YDJC: variants seen among roughly 807,000 people sequenced by gnomAD.
The protein encoded by YDJC is carbohydrate deacetylase.
Under a neutral mutation model 18.9 loss-of-function variants are expected in YDJC, and 23 were observed. The observed-to-expected ratio is 1.22, with a 90% CI of 0.87 to 1.72. The LOEUF is 1.72. Among genes scored for constraint, YDJC ranks in the 40% most tolerant of loss-of-function variants. The pLI is 0.00. For missense variants in YDJC, 467 were observed against 470.8 expected (o/e 0.99, Z 0.07); for synonymous variants, 224 against 217.6 (o/e 1.03, Z -0.26).
chr22:21,628,738 C>T lies in YDJC; in HGVS notation c.652G>A (p.Ala218Thr). ...GLSTCGRHMS[A>T]HRVSGALARV... ...GCCAGGGCCCCGGACACGCGGTGAG[C>T]GGACATGTGCCGGCCGCAAGTGCTC... The change falls in exon 5 of 5, where the codon GCT becomes ACT. Residue 218 changes from alanine to threonine, a missense_variant. Physicochemically the swap from Ala to Thr is moderately conservative, Grantham distance 58. Transcript: ENST00000292778. 3 of 1,515,106 alleles carry T rather than the reference C, an allele frequency of 2.0e-6. No homozygotes were observed. Among genetic ancestry groups the T allele is most frequent in the Non-Finnish European group, 1.8e-6 (2 of 1,130,050 alleles). The allele number at this position is 1,515,106 out of a possible 1,614,324, so 93.9% of individuals were successfully genotyped here. A position where few individuals can be genotyped will look rare whatever the true frequency, so the allele number is the denominator to read the frequency against.
rs142465613 is a variant in YDJC at position 21,629,957 on chromosome 22, G to C, written c.58C>G (p.Arg20Gly). 3.7e-4 allele frequency: 587 copies of C among 1,604,754 alleles called. No individual in the cohort carries two copies. The highest frequency in any genetic ancestry group is 9.0e-4 in the Middle Eastern group (4 of 4,420). Reference sequence around the variant, plus strand: ...GCCTCCACGATACCCTCATCGCGTCGCGGGCAGTAACCAAAGTCGTCCGCG... The same window carrying C: ...GCCTCCACGATACCCTCATCGCGTCCCGGGCAGTAACCAAAGTCGTCCGCG... ...VTADDFGYCP[R>G]RDEGIVEAFL... The change falls in exon 1 of 5, where the codon CGA becomes GGA. Residue 20 changes from arginine to glycine, a missense_variant. Coordinates refer to ENST00000292778, the MANE Select transcript of YDJC (RefSeq NM_001017964.2).
rs529402438 is a variant in YDJC at position 21,628,202 on chromosome 22, C to T, written c.*216G>A. On this transcript the variant is annotated 3_prime_UTR_variant, in exon 5 of 5. Coordinates refer to ENST00000292778, the MANE Select transcript of YDJC (RefSeq NM_001017964.2). ...ACCAAATGCTCTGCGGGCCCTAGCC[C>T]GCTGCCACAGGCTAGGCCTGCCTGC... 179 of 552,934 alleles carry T rather than the reference C, an allele frequency of 3.2e-4. 1 individual carries two copies. Among genetic ancestry groups the T allele is most frequent in the African/African-American group, 2.7e-3 (139 of 51,878 alleles). The allele number at this position is 552,934 out of a possible 1,614,324, so 34.3% of individuals were successfully genotyped here.
Position 21,628,488 on chromosome 22 carries a change from G to T in YDJC, c.902C>A (p.Ser301Tyr), listed in dbSNP as rs772880301. The change falls in exon 5 of 5, where the codon TCC (serine) becomes TAC (tyrosine). Residue 301 changes from serine (S) to tyrosine (Y), a missense_variant. Physicochemically the swap from Ser to Tyr is moderately radical, Grantham distance 144. Coordinates refer to ENST00000292778, the MANE Select transcript of YDJC (RefSeq NM_001017964.2). ...GGGGACCTCCTCCCCTGGCCTCTTG[G>T]AGTCCAGGTCGTCGAGGGCGCAAAG... ...VQLCALDDLDSKRPGEEVPCE... is the reference protein window; with the variant it reads ...VQLCALDDLDYKRPGEEVPCE... 6.2e-7 allele frequency: 1 copy of T among 1,609,442 alleles called. No individual in the cohort carries two copies.
Position 21,628,202 on chromosome 22 carries a change from C to CGCTGCCACAGGCTAGGCCTGCCT in YDJC, c.*193_*215dup, listed in dbSNP as rs1930316222. The CGCTGCCACAGGCTAGGCCTGCCT allele has an allele frequency of 5.4e-6, 3 of 552,816 alleles. No individual in the cohort carries two copies. The African/African-American group carries it at 5.8e-5, about 11-fold the overall frequency. 34.2% of individuals were successfully genotyped at this position (552,816 alleles called of 1,614,324 possible). A position where few individuals can be genotyped will look rare whatever the true frequency, so the allele number is the denominator to read the frequency against. ...ACCAAATGCTCTGCGGGCCCTAGCC[C>CGCTGCCACAGGCTAGGCCTGCCT]GCTGCCACAGGCTAGGCCTGCCTGC... On this transcript the variant is annotated 3_prime_UTR_variant, in exon 5 of 5. Coordinates refer to ENST00000292778, the MANE Select transcript of YDJC (RefSeq NM_001017964.2).
At chr22:21,628,940 C>G (rs1289283615) in intron 4 of YDJC, 70 bp downstream of exon 4, 1 of 1,433,642 alleles carries the variant, frequency 7.0e-7, no homozygotes, top group Non-Finnish European at 9.1e-7. Flanking sequence ...ACGGACACAG[C>G]TAGCCAGGTG....
chr22:21,629,548 G>A (rs767499234), intron 2 of YDJC, 54 bp downstream of exon 2: 1 of 1,610,644 alleles, frequency 6.2e-7, no homozygotes, highest in Non-Finnish European at 8.5e-7. Context: ...AGTACCCTCC[G>A]GGCGGAGCTC....
intron 4 of YDJC, 96 bp from the exon 5 acceptor site, chr22:21,628,883 T>TTG: frequency 2.0e-6 from 1 of 506,610 alleles, no homozygotes; most frequent in Admixed American, 4.1e-5. Context: ...AGGGGGTAAC[T>TTG]GGGGTGGCGG....
chr22:21,628,933 G>A (rs1427468521), intron 4 of YDJC, 77 bp downstream of exon 4: 1 of 1,430,368 alleles, frequency 7.0e-7, no homozygotes, highest in Non-Finnish European at 9.1e-7. Flanking sequence ...TTGAGAAACG[G>A]ACACAGCTAG....
rs1930421570 is a variant in YDJC at position 21,629,763 on chromosome 22, T to C, written c.165-2A>G. 6.7e-7 allele frequency: 1 copy of C among 1,488,792 alleles called. No homozygotes were observed. Among genetic ancestry groups the C allele is most frequent in the African/African-American group, 1.4e-5 (1 of 70,192 alleles). 92.2% of individuals were successfully genotyped at this position (1,488,792 alleles called of 1,614,324 possible). ...TGGAGGCCCGTGGGGATGCTGTGCC[T>C]GAGGGCGGAGCGCGAGCTGGAGCAC... On this transcript the variant is annotated splice_acceptor_variant, in intron 1 of 4. Coordinates refer to ENST00000292778, the MANE Select transcript of YDJC (RefSeq NM_001017964.2). LOFTEE classifies it high-confidence loss of function.
rs1930316339 is a variant in YDJC at position 21,628,212 on chromosome 22, GGCTAGGCCT to G, written c.*197_*205del. The G allele has an allele frequency of 1.5e-6, 1 of 657,176 alleles. No individual in the cohort carries two copies. Among genetic ancestry groups the G allele is most frequent in the South Asian group, 4.3e-5 (1 of 23,188 alleles). 40.7% of individuals were successfully genotyped at this position (657,176 alleles called of 1,614,324 possible). ...CTGCGGGCCCTAGCCCGCTGCCACA[GGCTAGGCCT>G]GCCTGCAGCCAAGAAGGCTGCTCAA... On this transcript the variant is annotated 3_prime_UTR_variant, in exon 5 of 5. Coordinates refer to ENST00000292778, the MANE Select transcript of YDJC (RefSeq NM_001017964.2).
Position 21,628,601 on chromosome 22 carries a change from A to T in YDJC, c.789T>A (p.Ala263=), listed in dbSNP as rs770442820. 3 of 1,604,354 alleles carry T rather than the reference A, an allele frequency of 1.9e-6. No individual in the cohort carries two copies. In the South Asian group the frequency reaches 3.3e-5, roughly 18 times the overall value. ...GCAGCCGCTCCCAAGAGCAAGAGAA[A>T]GCGTCGGGGCCTTCACCGCAGCCGC... ...PTGGCGEGPD[A]FSCSWERLHE... The change falls in exon 5 of 5, where the codon GCT becomes GCA. Residue 263 remains alanine (A), a synonymous_variant. Coordinates refer to ENST00000292778, the MANE Select transcript of YDJC (RefSeq NM_001017964.2).
At chr22:21,628,813 G>T in intron 4 of YDJC, 26 bp from the exon 5 acceptor site, 2 of 1,457,142 alleles carry the variant, frequency 1.4e-6, no homozygotes, top group Non-Finnish European at 1.8e-6. Context: ...CATCAGAGGT[G>T]GGACCAGGCC....
At position 21,628,790 on chromosome 22, in the gene YDJC, G is replaced by C. The variant is rs760859698; in HGVS notation, c.603-3C>G. The C allele has an allele frequency of 1.8e-5, 27 of 1,473,356 alleles. No homozygotes were observed. In the East Asian group the frequency reaches 6.8e-4, roughly 37 times the overall value. The allele number at this position is 1,473,356 out of a possible 1,614,324, so 91.3% of individuals were successfully genotyped here. The stretch of plus-strand genomic sequence containing the variant: ...GGCCCACGAAGGCGTCTGTCCACCT[G>C]TGGGGGGCGGGACATCAGAGGTGGG... On this transcript the variant is annotated splice_region_variant and splice_polypyrimidine_tract_variant and intron_variant, in intron 4 of 4. Transcript: ENST00000292778.
chr22:21,629,480 T>G lies in YDJC; in HGVS notation c.325-73A>C, dbSNP rs1329124243. On this transcript the variant is annotated intron_variant, in intron 2 of 4. Transcript: ENST00000292778. Reference sequence around the variant, plus strand: ...AGGATACCCTCCTCGTGCTTCCGTGTGATGGCTCCAGTGTTTGAATGCGGA... The same window carrying G: ...AGGATACCCTCCTCGTGCTTCCGTGGGATGGCTCCAGTGTTTGAATGCGGA... The G allele has an allele frequency of 2.6e-6, 4 of 1,548,358 alleles. No individual in the cohort carries two copies. In the African/African-American group the frequency reaches 5.4e-5, roughly 21 times the overall value.
chr22:21,628,461 C>T lies in YDJC; in HGVS notation c.929G>A (p.Cys310Tyr). ...CAGGAAGGGTTCCAGAGTGGGCTCACAGGGGACCTCCTCCCCTGGCCTCTT... is the reference window on the plus strand; with the variant it reads ...CAGGAAGGGTTCCAGAGTGGGCTCATAGGGGACCTCCTCCCCTGGCCTCTT... ...DSKRPGEEVP[C>Y]EPTLEPFLEP... Residue 310 changes from cysteine (C) to tyrosine (Y), a missense_variant, in exon 5 of 5, where the codon TGT becomes TAT. Cys to Tyr is a radical substitution (Grantham distance 194). Transcript: ENST00000292778. 2 of 1,590,454 alleles carry T rather than the reference C, an allele frequency of 1.3e-6. No homozygotes were observed. Among genetic ancestry groups the T allele is most frequent in the South Asian group, 2.3e-5 (2 of 88,122 alleles).
At position 21,629,389 on chromosome 22, in the gene YDJC, C is replaced by T. The variant is rs1237571322; in HGVS notation, c.343G>A (p.Ala115Thr). 1 of 1,548,576 alleles carries T rather than the reference C, an allele frequency of 6.5e-7. No homozygotes were observed. Reference protein sequence around the residue: ...DLPQVREELEAQLSCFRELLG... With the variant: ...DLPQVREELETQLSCFRELLG... ...AGCTCCCGGAAGCAGCTTAGTTGGG[C>T]CTCGAGCTCCTCCCGCACCTAGAGG... The change falls in exon 3 of 5, where the codon GCC becomes ACC. Residue 115 changes from alanine to threonine, a missense_variant. Transcript: ENST00000292778.
chr22:21,628,914 G>A (rs530469216), intron 4 of YDJC, 96 bp downstream of exon 4: 16 of 1,425,310 alleles, frequency 1.1e-5, no homozygotes, highest in Admixed American at 8.6e-5. Flanking sequence ...CGCCAGACTC[G>A]CTTCCGGGTT....
At position 21,628,625 on chromosome 22, in the gene YDJC, G is replaced by A. The variant is rs375257807; in HGVS notation, c.765C>T (p.Gly255=). ...AAGCGTCGGGGCCTTCACCGCAGCCGCCGGTGGGAGGCACACTGGGGTAGC... is the reference window on the plus strand; with the variant it reads ...AAGCGTCGGGGCCTTCACCGCAGCCACCGGTGGGAGGCACACTGGGGTAGC... ...HPGYPSVPPT[G]GCGEGPDAFS... The change falls in exon 5 of 5, where the codon GGC becomes GGT. Residue 255 remains glycine, a synonymous_variant. Transcript: ENST00000292778. The A allele has an allele frequency of 1.5e-5, 24 of 1,590,660 alleles. No homozygotes were observed. The highest frequency in any genetic ancestry group is 2.1e-5 in the Non-Finnish European group (24 of 1,169,552).
chr22:21,629,156 C>T lies in YDJC; in HGVS notation c.456G>A (p.Gln152=), dbSNP rs573816043. 7.1e-5 allele frequency: 109 copies of T among 1,541,182 alleles called. No homozygotes were observed. The Middle Eastern group carries it at 1.3e-3, about 19-fold the overall frequency. ...GTCGCGTAAAGCGCACCCCATAGGC[C>T]TGCAGCGCCTCGGCGAACACCTGGC... The part of the protein sequence containing the change: ...GVCQVFAEAL[Q]AYGVRFTRLP... Residue 152 remains glutamine, a synonymous_variant, in exon 4 of 5, where the codon CAG becomes CAA. Transcript: ENST00000292778.
Sources: gnomAD v4.1 joint callset for allele counts on GRCh38, gnomAD v4.1.1 for gene constraint, MANE v1.5 for transcripts, NCBI Gene and HGNC (gene_info 2026-07-23, HGNC 2026-07-21) for gene names.